Variants in PCDHGA4 observed in about 807,000 individuals in gnomAD.
PCDHGA4 encodes protocadherin gamma-A4.
Under a neutral mutation model 54.6 loss-of-function variants are expected in PCDHGA4, and 38 were observed. The ratio of observed to expected loss-of-function variants is 0.70; its 90% CI spans 0.54 to 0.91. The LOEUF is 0.91. Ranked by LOEUF, PCDHGA4 falls within the 40% of genes least tolerant of loss-of-function variation. The probability of loss-of-function intolerance (pLI) is 0.00; values close to 1 mark genes in which losing one functional copy is unlikely to be tolerated. For missense variants in PCDHGA4, 1,298 were observed against 1,220.9 expected (o/e 1.06, Z -0.94); for synonymous variants, 511 against 512.9 (o/e 1.00, Z 0.05).
chr5:141,361,532 C>T, intron 1 of PCDHGA4: 1 of 1,614,034 alleles, frequency 6.2e-7, no homozygotes, highest in East Asian at 2.2e-5. Flanking sequence ...GAGAACAATC[C>T]TCCTGGCGCC....
intron 1 of PCDHGA4, among the ~76,000 whole-genome samples, chr5:141,462,211 C>T (rs543979258): frequency 2.0e-5 from 3 of 151,998 alleles, no homozygotes; most frequent in South Asian, 2.1e-4. Context: ...CCGCCTGCCT[C>T]GGCCTCCCAA....
At chr5:141,364,275 A>G in intron 1 of PCDHGA4, 2 of 1,515,456 alleles carry the variant, frequency 1.3e-6, no homozygotes, top group South Asian at 2.7e-5. Flanking sequence ...CTTTAGATAA[A>G]TAAGGAAACA....
At chr5:141,427,825 C>T (rs1342117815) in intron 1 of PCDHGA4, 2 of 1,536,464 alleles carry the variant, frequency 1.3e-6, no homozygotes, top group Non-Finnish European at 1.8e-6. Flanking sequence ...GTGGTGGTCG[C>T]GCAGCGTGCC....
chr5:141,485,563 C>A lies in PCDHGA4; in HGVS notation c.2515-9244C>A. 2 of 1,612,904 alleles carry A rather than the reference C, an allele frequency of 1.2e-6. No individual in the cohort carries two copies. The highest frequency in any genetic ancestry group is 1.7e-6 in the Non-Finnish European group (2 of 1,179,034). ...AGATCGTAGATGTGAATGATCACGC[C>A]CCCCGTTTTCCGCGGCAGCAGCTGG... On this transcript the variant is annotated intron_variant, in intron 1 of 3. Coordinates refer to ENST00000571252, the MANE Select transcript of PCDHGA4 (RefSeq NM_018917.4). This position sits in a 1 kb window ranked among gnomAD's most constrained non-coding sequence, Gnocchi z 5.7.
chr5:141,362,319 G>A (rs1561526450), intron 1 of PCDHGA4: 1 of 1,614,068 alleles, frequency 6.2e-7, no homozygotes, highest in Non-Finnish European at 8.5e-7. Flanking sequence ...ACTGTTTTCA[G>A]CCTGGTCTCA....
rs2096651086 is a variant in PCDHGA4 at position 141,422,486 on chromosome 5, A to G, written c.2514+64865A>G. Reference sequence around the variant, plus strand: ...GACAGGGAGTTGGTCCAGAGCTACAATATAACGTTGACAGCCACAGACCAG... The same window carrying G: ...GACAGGGAGTTGGTCCAGAGCTACAGTATAACGTTGACAGCCACAGACCAG... On this transcript the variant is annotated intron_variant, in intron 1 of 3. Coordinates refer to ENST00000571252, the MANE Select transcript of PCDHGA4 (RefSeq NM_018917.4). The G allele has an allele frequency of 1.2e-6, 2 of 1,613,852 alleles. No individual in the cohort carries two copies. The highest frequency in any genetic ancestry group is 1.3e-5 in the African/African-American group (1 of 74,924).
At chr5:141,441,920 A>G (rs1276085080) in intron 1 of PCDHGA4, 8 of 352,988 alleles carry the variant, frequency 2.3e-5, no homozygotes, top group East Asian at 8.9e-5. Context: ...GTGAGACACA[A>G]TGCGTGGCTG....
intron 1 of PCDHGA4, chr5:141,392,511 A>C (rs1368500575): frequency 4.2e-6 from 1 of 240,354 alleles, no homozygotes; most frequent in Non-Finnish European, 7.9e-6. Flanking sequence ...TTTTTTTCTC[A>C]GTAATCTAGT....
In PCDHGA4 at chr5:141,405,177, G is replaced by C. The variant is rs370032217; in HGVS notation, c.2514+47556G>C. On this transcript the variant is annotated intron_variant, in intron 1 of 3. Coordinates refer to ENST00000571252, the MANE Select transcript of PCDHGA4 (RefSeq NM_018917.4). Reference sequence around the variant, plus strand: ...GGTGTGCCCACCTCACACTTTGTGGGTGTAGATGGGGTTCGAGCTTTCCTA... The same window carrying C: ...GGTGTGCCCACCTCACACTTTGTGGCTGTAGATGGGGTTCGAGCTTTCCTA... 1.6e-5 allele frequency: 26 copies of C among 1,614,140 alleles called. No homozygotes were observed. The highest frequency in any genetic ancestry group is 2.0e-5 in the Non-Finnish European group (24 of 1,180,024).
At position 141,389,670 on chromosome 5, in the gene PCDHGA4, T is replaced by A. The variant is rs2091868205; in HGVS notation, c.2514+32049T>A. 3 of 1,612,454 alleles carry A rather than the reference T, an allele frequency of 1.9e-6. No homozygotes were observed. The East Asian group carries it at 6.7e-5, about 36-fold the overall frequency. On this transcript the variant is annotated intron_variant, in intron 1 of 3. Transcript: ENST00000571252. The stretch of plus-strand genomic sequence containing the variant: ...CAAGGTAGTGGCGGTGGACGCAGAC[T>A]CAGGACACAACGCCTGGCTGTCCTA...
intron 1 of PCDHGA4, chr5:141,393,816 A>T: frequency 6.2e-7 from 1 of 1,613,988 alleles, no homozygotes; most frequent in South Asian, 1.1e-5. Context: ...CAAATTGCTC[A>T]TTTCGGTGGA....
chr5:141,502,173 T>C (rs1377892969), intron 2 of PCDHGA4, among the ~76,000 whole-genome samples: 2 of 152,178 alleles, frequency 1.3e-5, no homozygotes, highest in African/African-American at 4.8e-5. Flanking sequence ...AGTTGAGGAA[T>C]TTAACATTAA....
chr5:141,399,623 C>G, intron 1 of PCDHGA4: 2 of 1,613,920 alleles, frequency 1.2e-6, no homozygotes, highest in Non-Finnish European at 1.7e-6. Context: ...GCACTGGCCT[C>G]TTACGTGTCC....
At chr5:141,369,790 A>G (rs1005074497) in intron 1 of PCDHGA4, among the ~76,000 whole-genome samples, 2 of 152,248 alleles carry the variant, frequency 1.3e-5, no homozygotes, top group African/African-American at 4.8e-5. Flanking sequence ...TCTTTATACT[A>G]CGTCTTCTGC....
chr5:141,478,920 C>T lies in PCDHGA4; in HGVS notation c.2515-15887C>T, dbSNP rs559060283. On this transcript the variant is annotated intron_variant, in intron 1 of 3. Transcript: ENST00000571252. Reference sequence around the variant, plus strand: ...GGAATAAGCTGCTGGATACCTCTAACCAGTGGCAGCTTCTAGGAATACAAA... The same window carrying T: ...GGAATAAGCTGCTGGATACCTCTAATCAGTGGCAGCTTCTAGGAATACAAA... 608 of 728,392 alleles carry T rather than the reference C, an allele frequency of 8.3e-4. 2 individuals are homozygous for T. The highest frequency in any genetic ancestry group is 1.2e-3 in the South Asian group (55 of 44,196). 45.1% of individuals were successfully genotyped at this position (728,392 alleles called of 1,614,324 possible).
chr5:141,478,323 G>A, intron 1 of PCDHGA4: 2 of 1,613,958 alleles, frequency 1.2e-6, no homozygotes, highest in Non-Finnish European at 8.5e-7. Flanking sequence ...TCACTGTACC[G>A]AACACCAGGG....
At chr5:141,416,589 TTA>T (rs1386515449) in intron 1 of PCDHGA4, 2 of 151,996 alleles carry the variant, frequency 1.3e-5, no homozygotes, top group African/African-American at 4.8e-5. Context: ...CAAAATAAAC[TTA>T]GAGTCAAGAA....
intron 1 of PCDHGA4, chr5:141,421,090 G>C (rs552694052): frequency 1.5e-6 from 1 of 661,192 alleles, no homozygotes; most frequent in Admixed American, 3.2e-5. Context: ...CACAGATCCT[G>C]ACACTGGAGA....
intron 1 of PCDHGA4, chr5:141,421,220 A>T (rs1178268746): frequency 6.3e-7 from 1 of 1,575,620 alleles, no homozygotes; most frequent in East Asian, 2.3e-5. Context: ...ATCGGCTTAG[A>T]GCCTGCCATG....
Sources: gnomAD v4.1 joint callset for allele counts (sites outside exome capture counted in the v4.1 genomes callset) on GRCh38, gnomAD v4.1.1 for gene constraint, Gnocchi (gnomAD v3.1) non-coding constraint, MANE v1.5 for transcripts, NCBI Gene and HGNC (gene_info 2026-07-23, HGNC 2026-07-21) for gene names.